The following TIA1 variants were observed in gnomAD, a reference collection of about 807,000 sequenced individuals.
TIA1 encodes cytotoxic granule associated RNA binding protein TIA1.
A neutral mutation model predicts 65.9 loss-of-function variants in TIA1; 23 were observed. The ratio of observed to expected loss-of-function variants is 0.35; its 90% CI spans 0.25 to 0.49. TIA1 has a LOEUF of 0.49. Among genes scored for constraint, TIA1 ranks in the 20% least tolerant of loss-of-function variants. TIA1 has a pLI of 0.98. For missense variants in TIA1, 371 were observed against 477.9 expected (o/e 0.78, Z 2.09); for synonymous variants, 147 against 149.4 (o/e 0.98, Z 0.12).
intron 7 of TIA1, among the ~76,000 whole-genome samples, chr2:70,219,182 G>A (rs1207763100): frequency 6.6e-6 from 1 of 152,156 alleles, no homozygotes; most frequent in Non-Finnish European, 1.5e-5. Context: ...ACAGAGCCCT[G>A]AAAAACAGCA....
At chr2:70,215,137 C>T in intron 11 of TIA1, 1 of 496,464 alleles carries the variant, frequency 2.0e-6, no homozygotes, top group South Asian at 2.6e-5. Flanking sequence ...TTTTAGGTTT[C>T]TCGGAGCATT....
At chr2:70,241,255 CAT>C (rs1276919293) in intron 1 of TIA1, among the ~76,000 whole-genome samples, 1 of 152,042 alleles carries the variant, frequency 6.6e-6, no homozygotes, top group Non-Finnish European at 1.5e-5. Flanking sequence ...TCCTGGCCAA[CAT>C]AGTGAAACCC....
rs376126099 is a variant in TIA1, at chr2:70,216,991, C to A, written c.478G>T (p.Ala160Ser). Residue 160 changes from alanine (A) to serine (S), a missense_variant, in exon 8 of 13, where the codon GCT becomes TCT. Ala to Ser is a moderately conservative substitution (Grantham distance 99). Coordinates refer to ENST00000433529, the MANE Select transcript of TIA1 (RefSeq NM_022173.4). Reference protein sequence around the residue: ...GFVSFFNKWDAENAIQQMGGQ... With the variant: ...GFVSFFNKWDSENAIQQMGGQ... ...CCCATCTGTTGAATGGCGTTTTCAG[C>A]ATCCTGTTCCGTACAACATTAGAAA... The A allele has an allele frequency of 2.9e-5, 46 of 1,611,350 alleles. No homozygotes were observed. The highest frequency in any genetic ancestry group is 5.1e-6 in the Non-Finnish European group (6 of 1,178,974).
At chr2:70,228,356 C>G (rs1684685417) in intron 5 of TIA1, 1 of 1,286,264 alleles carries the variant, frequency 7.8e-7, no homozygotes. Flanking sequence ...TGCATTGCAA[C>G]AGTTTGATGT....
intron 7 of TIA1, among the ~76,000 whole-genome samples, chr2:70,219,206 G>A (rs1368190566): frequency 6.6e-6 from 1 of 152,146 alleles, no homozygotes; most frequent in African/African-American, 2.4e-5. Flanking sequence ...CTTGAAAAAT[G>A]GGTAAAGGAA....
At chr2:70,245,104 G>A (rs1176908481) in intron 1 of TIA1, among the ~76,000 whole-genome samples, 1 of 151,986 alleles carries the variant, frequency 6.6e-6, no homozygotes, top group Non-Finnish European at 1.5e-5. Flanking sequence ...CTGAGCCTCC[G>A]GAGTCCCGAG....
intron 1 of TIA1, among the ~76,000 whole-genome samples, chr2:70,238,317 C>T (rs1690059428): frequency 8.7e-6 from 1 of 115,582 alleles, no homozygotes; most frequent in Admixed American, 1.1e-4. Flanking sequence ...GTCGCCCAGG[C>T]TGGAGTGCAG....
intron 7 of TIA1, among the ~76,000 whole-genome samples, chr2:70,220,465 G>A (rs1334015580): frequency 6.6e-6 from 1 of 152,080 alleles, no homozygotes. Context: ...GTCATGTGAA[G>A]ATGAAGGCAG....
intron 7 of TIA1, among the ~76,000 whole-genome samples, chr2:70,221,655 G>A (rs2104169709): frequency 6.6e-6 from 1 of 152,224 alleles, no homozygotes; most frequent in Middle Eastern, 3.4e-3. Context: ...GGCAGGAGGG[G>A]CATGAAAGGA....
In TIA1 at chr2:70,248,510, C is replaced by G. The variant is rs1394665803; in HGVS notation, c.-80G>C. The stretch of plus-strand genomic sequence containing the variant: ...TCCCAAATCGTTTAAGCGGTTATGG[C>G]TACAGGATAGTGGGGTTTCTCGGCT... On this transcript the variant is annotated 5_prime_UTR_variant, in exon 1 of 13. Transcript: ENST00000433529. The G allele has an allele frequency of 1.3e-6, 2 of 1,595,436 alleles. No individual in the cohort carries two copies. The highest frequency in any genetic ancestry group is 2.7e-5 in the African/African-American group (2 of 74,780).
At position 70,214,329 on chromosome 2, in the gene TIA1, A is replaced by C; in HGVS notation, c.1034+20T>G. 1 of 1,596,824 alleles carries C rather than the reference A, an allele frequency of 6.3e-7. No homozygotes were observed. Among genetic ancestry groups the C allele is most frequent in the Non-Finnish European group, 8.5e-7 (1 of 1,174,306 alleles). On this transcript the variant is annotated intron_variant, in intron 12 of 12. Transcript: ENST00000433529. ...AGACATTTTCAAAGGTTAGTAAAGG[A>C]AGACATAAGATATGCTTACTTAAAT...
chr2:70,241,026 A>C (rs1691439975), intron 1 of TIA1, among the ~76,000 whole-genome samples: 1 of 152,252 alleles, frequency 6.6e-6, no homozygotes, highest in Admixed American at 6.5e-5. Flanking sequence ...ATCACCATTA[A>C]AACACCACAG....
At chr2:70,213,271 G>C (rs1488003599) in intron 12 of TIA1, among the ~76,000 whole-genome samples, 1 of 150,440 alleles carries the variant, frequency 6.6e-6, no homozygotes, top group Non-Finnish European at 1.5e-5. Flanking sequence ...ACTACTCAAA[G>C]AAGAAATCAA....
intron 3 of TIA1, among the ~76,000 whole-genome samples, chr2:70,229,851 T>A (rs533697863): frequency 1.3e-5 from 2 of 151,884 alleles, no homozygotes; most frequent in Non-Finnish European, 2.9e-5. Context: ...AGCAGAAGAA[T>A]TGCTTGAACC....
chr2:70,233,799 G>C (rs1303616800), intron 2 of TIA1, among the ~76,000 whole-genome samples: 2 of 151,560 alleles, frequency 1.3e-5, no homozygotes, highest in Non-Finnish European at 2.9e-5. Context: ...TTGCATTTAA[G>C]AGTAAATAAA....
intron 7 of TIA1, among the ~76,000 whole-genome samples, chr2:70,219,650 T>C (rs1212637743): frequency 6.6e-6 from 1 of 152,112 alleles, no homozygotes; most frequent in East Asian, 1.9e-4. Flanking sequence ...TTTTTATTTT[T>C]TTAATTTCTT....
chr2:70,214,628 C>A (rs1677751824), intron 11 of TIA1, 134 bp from the exon 12 acceptor site: 15 of 440,666 alleles, frequency 3.4e-5, no homozygotes, highest in Non-Finnish European at 5.0e-5. Flanking sequence ...CAAGAGTTGA[C>A]TGCTAAAAAA....
At chr2:70,242,659 C>T (rs548290015) in intron 1 of TIA1, among the ~76,000 whole-genome samples, 1 of 152,158 alleles carries the variant, frequency 6.6e-6, no homozygotes, top group East Asian at 1.9e-4. Context: ...CCCAACTCCC[C>T]CCTAGGCCAT....
intron 2 of TIA1, 148 bp from the exon 3 acceptor site, chr2:70,231,002 T>C (rs1686021965): frequency 3.5e-6 from 2 of 578,230 alleles, no homozygotes; most frequent in Non-Finnish European, 6.0e-6. Context: ...AAGTAAATTT[T>C]AGATTTAAAA....
Sources: allele counts gnomAD v4.1 joint callset (sites outside exome capture counted in the v4.1 genomes callset), GRCh38; gene constraint gnomAD v4.1.1; transcripts MANE v1.5; gene names NCBI Gene and HGNC (gene_info 2026-07-23, HGNC 2026-07-21).